PLEKHA4: variants seen among roughly 807,000 people sequenced by gnomAD.
PLEKHA4 encodes the protein pleckstrin homology domain containing A4, also known as pleckstrin homology domain-containing family A member 4.
PLEKHA4 carries 73 observed loss-of-function variants against 94.7 expected under a neutral mutation model. That is an observed-to-expected ratio of 0.77 (90% CI 0.64 to 0.94). PLEKHA4 has a LOEUF of 0.94. Among genes scored for constraint, PLEKHA4 ranks in the 40% least tolerant of loss-of-function variants. PLEKHA4 has a pLI of 0.00. For synonymous variants in PLEKHA4, 449 were observed against 437.1 expected (o/e 1.03, Z -0.34); for missense variants, 1,049 against 1,054.1 (o/e 1.00, Z 0.07).
At position 48,867,410 on chromosome 19, in the gene PLEKHA4, C is replaced by A; in HGVS notation, c.84+127G>T. ...CTGCGGTGTGTAGGCAATTTGGGAC[C>A]TTACTATGTCTGGCAGACCCCGTTG... On this transcript the variant is annotated intron_variant, in intron 2 of 19. Transcript: ENST00000263265. This position sits in a 1 kb window ranked among gnomAD's most constrained non-coding sequence, Gnocchi z 4.7. 1 of 1,099,538 alleles carries A rather than the reference C, an allele frequency of 9.1e-7. No homozygotes were observed. The highest frequency in any genetic ancestry group is 1.3e-6 in the Non-Finnish European group (1 of 772,894). The allele number at this position is 1,099,538 out of a possible 1,614,324, so 68.1% of individuals were successfully genotyped here.
At chr19:48,866,017 GAA>G (rs1181028784) in intron 2 of PLEKHA4, among the ~76,000 whole-genome samples, 2 of 132,838 alleles carry the variant, frequency 1.5e-5, no homozygotes. Context: ...CCGTCTCAAA[GAA>G]AAAAAAAAAA....
At chr19:48,856,578 C>T (rs1323159247) in intron 9 of PLEKHA4, among the ~76,000 whole-genome samples, 1 of 152,028 alleles carries the variant, frequency 6.6e-6, no homozygotes, top group African/African-American at 2.4e-5. Context: ...ATTATCCAGG[C>T]ATGGTGGCAC....
intron 13 of PLEKHA4, among the ~76,000 whole-genome samples, chr19:48,849,364 A>T (rs2036095828): frequency 6.6e-6 from 1 of 151,994 alleles, no homozygotes; most frequent in South Asian, 2.1e-4. Flanking sequence ...GCTGGAGTGC[A>T]GTGTCACGAT....
intron 6 of PLEKHA4, 62 bp from the exon 7 acceptor site, chr19:48,859,746 G>T: frequency 2.1e-6 from 3 of 1,459,870 alleles, no homozygotes; most frequent in Non-Finnish European, 2.8e-6. Context: ...CTATTCTCTT[G>T]TCACAGGTGA....
rs1233452727 is a variant in PLEKHA4, at chr19:48,837,197, C to T, written c.*92G>A. 8.8e-6 allele frequency: 14 copies of T among 1,589,736 alleles called. No homozygotes were observed. Among genetic ancestry groups the T allele is most frequent in the South Asian group, 1.1e-5 (1 of 90,216 alleles). ...CCCGGGCCCGCAATGGGGACCAGAC[C>T]ACGCCCCCTGATGCCCTGAGTGGTC... is the stretch of plus-strand genomic sequence containing the variant. On this transcript the variant is annotated 3_prime_UTR_variant, in exon 20 of 20. Transcript: ENST00000263265. The surrounding 1 kb of genome is among the most constrained non-coding windows in gnomAD (Gnocchi z 4.3).
At position 48,839,258 on chromosome 19, in the gene PLEKHA4, G is replaced by C. The variant is rs145100932; in HGVS notation, c.1911C>G (p.Val637=). 6 of 1,584,208 alleles carry C rather than the reference G, an allele frequency of 3.8e-6. No homozygotes were observed. In the East Asian group the frequency reaches 1.4e-4, roughly 36 times the overall value. The change falls in exon 18 of 20, where the codon GTC becomes GTG. Residue 637 remains valine, a synonymous_variant. Transcript: ENST00000263265. The part of the protein sequence containing the change: ...RRQPDVEQRP[V]VGHSGAQKWL... ...ATTTCTGGGCTCCCGAGTGTCCTAC[G>C]ACAGGCTGGAAAGGAATTGGGGCAT... is the stretch of plus-strand genomic sequence containing the variant.
intron 13 of PLEKHA4, among the ~76,000 whole-genome samples, chr19:48,851,287 A>G (rs954357738): frequency 6.6e-6 from 1 of 152,200 alleles, no homozygotes; most frequent in Non-Finnish European, 1.5e-5. Context: ...TCATAAATAT[A>G]TTCATCTGCT....
rs1283801697 is a variant in PLEKHA4, at chr19:48,867,626, G to A, written c.-6C>T. On this transcript the variant is annotated splice_region_variant and 5_prime_UTR_variant, in exon 2 of 20. Coordinates refer to ENST00000263265, the MANE Select transcript of PLEKHA4 (RefSeq NM_020904.3). This position sits in a 1 kb window ranked among gnomAD's most constrained non-coding sequence, Gnocchi z 4.7. ...CGAGGTCGGCTCCCCTCCATCAAGG[G>A]CTGGGGGAGAGAAAGAAAGGGGCTG... 3 of 1,587,874 alleles carry A rather than the reference G, an allele frequency of 1.9e-6. No individual in the cohort carries two copies. The highest frequency in any genetic ancestry group is 1.8e-4 in the Middle Eastern group (1 of 5,550).
At chr19:48,861,973 A>G (rs2036658464) in intron 3 of PLEKHA4, among the ~76,000 whole-genome samples, 1 of 151,832 alleles carries the variant, frequency 6.6e-6, no homozygotes, top group African/African-American at 2.4e-5. Context: ...TACTAAAAAA[A>G]AAAATTAGCC....
At chr19:48,844,700 C>A in intron 16 of PLEKHA4, 1 of 960,174 alleles carries the variant, frequency 1.0e-6, no homozygotes, top group South Asian at 4.8e-5. Flanking sequence ...AGAGCTTCCA[C>A]AGCTTAAAGT....
Position 48,841,225 on chromosome 19 carries a change from C to T in PLEKHA4, c.1829G>A (p.Arg610His), listed in dbSNP as rs111308102. Reference protein sequence around the residue: ...RNQECGRPFPRPTSPRLLTLG... With the variant: ...RNQECGRPFPHPTSPRLLTLG... ...GGTGAGAAGCCGGGGGGAGGTCGGG[C>T]GAGGGAAGGGCCGTCCACATTCCTG... The change falls in exon 17 of 20, where the codon CGC (arginine) becomes CAC (histidine). Residue 610 changes from arginine to histidine, a missense_variant. Arg to His is a conservative substitution (Grantham distance 29). Transcript: ENST00000263265. 204 of 1,613,288 alleles carry T rather than the reference C, an allele frequency of 1.3e-4. 1 individual carries two copies. The African/African-American group carries it at 2.1e-3, about 17-fold the overall frequency.
intron 3 of PLEKHA4, 84 bp downstream of exon 3, chr19:48,865,419 C>T: frequency 1.1e-6 from 1 of 914,434 alleles, no homozygotes; most frequent in Non-Finnish European, 1.7e-6. Flanking sequence ...AAAAGAAAGC[C>T]TATTTGGGGA....
At chr19:48,854,694 GC>G (rs1433154266) in intron 9 of PLEKHA4, among the ~76,000 whole-genome samples, 1 of 138,420 alleles carries the variant, frequency 7.2e-6, no homozygotes, top group Non-Finnish European at 1.5e-5. Context: ...ATCATGCCTG[GC>G]CTTTTTTTTT....
intron 16 of PLEKHA4, chr19:48,845,142 C>G (rs1418114835): frequency 2.1e-6 from 1 of 484,620 alleles, no homozygotes; most frequent in East Asian, 3.5e-5. Flanking sequence ...CTGCTATTAG[C>G]CCCATTTTAG....
Position 48,841,241 on chromosome 19 carries a change from C to T in PLEKHA4, c.1813G>A (p.Gly605Arg). Residue 605 changes from glycine (G) to arginine (R), a missense_variant, in exon 17 of 20, where the codon GGA becomes AGA. Gly to Arg is a moderately radical substitution (Grantham distance 125, BLOSUM62 -2). Coordinates refer to ENST00000263265, the MANE Select transcript of PLEKHA4 (RefSeq NM_020904.3). ...GAGGTCGGGCGAGGGAAGGGCCGTC[C>T]ACATTCCTGGTTTCTGCGCATCCGC... is the stretch of plus-strand genomic sequence containing the variant. ...LERMRRNQEC[G>R]RPFPRPTSPR... The T allele has an allele frequency of 1.9e-6, 3 of 1,613,678 alleles. No homozygotes were observed. The highest frequency in any genetic ancestry group is 2.5e-6 in the Non-Finnish European group (3 of 1,179,894).
At chr19:48,866,359 C>G (rs2036835151) in intron 2 of PLEKHA4, among the ~76,000 whole-genome samples, 1 of 152,000 alleles carries the variant, frequency 6.6e-6, no homozygotes, top group African/African-American at 2.4e-5. Flanking sequence ...CAGGCTGGAG[C>G]ACACTGGCAC....
intron 3 of PLEKHA4, among the ~76,000 whole-genome samples, chr19:48,862,832 C>G (rs1395093009): frequency 1.3e-5 from 2 of 152,232 alleles, no homozygotes; most frequent in Non-Finnish European, 2.9e-5. Flanking sequence ...AAACTATGCT[C>G]TGGAACAAGT....
chr19:48,856,898 C>CAAAAAAAAAAAAAAAAAAAAA (rs1315657736), intron 9 of PLEKHA4, among the ~76,000 whole-genome samples: 1 of 35,644 alleles, frequency 2.8e-5, no homozygotes, highest in Non-Finnish European at 4.8e-5. Context: ...GACCCCGTCT[C>CAAAAAAAAAAAAAAAAAAAAA]AAAAAAAAAA....
intron 2 of PLEKHA4, among the ~76,000 whole-genome samples, chr19:48,865,875 G>A (rs928793198): frequency 7.2e-5 from 11 of 151,856 alleles, no homozygotes; most frequent in Admixed American, 2.6e-4. Context: ...TTAGCCGGGC[G>A]TGGTGGCGGG....
Sources: gnomAD v4.1 joint callset for allele counts (sites outside exome capture counted in the v4.1 genomes callset) on GRCh38, gnomAD v4.1.1 for gene constraint, Gnocchi (gnomAD v3.1) non-coding constraint, MANE v1.5 for transcripts, NCBI Gene and HGNC (gene_info 2026-07-23, HGNC 2026-07-21) for gene names.